Variants in RIMS2 observed in about 807,000 individuals in gnomAD.
The protein encoded by RIMS2 is regulating synaptic membrane exocytosis protein 2.
In RIMS2, 59 loss-of-function variants were observed where a neutral mutation model predicts 174.4. That is an observed-to-expected ratio of 0.34 (90% CI 0.27 to 0.42). RIMS2 has a LOEUF of 0.42. Among genes scored for constraint, RIMS2 ranks in the 10% least tolerant of loss-of-function variants. The pLI, the probability that RIMS2 is intolerant of heterozygous loss-of-function variation, is 1.00. For missense variants in RIMS2, 1,620 were observed against 1,666.3 expected, an observed-to-expected ratio of 0.97 and a Z score of 0.48; for synonymous variants, 606 against 572.5, an observed-to-expected ratio of 1.06 and a Z score of -0.84.
chr8:104,040,491 G>GT (rs2096590381), intron 19 of RIMS2, among the ~76,000 whole-genome samples: 1 of 151,592 alleles, frequency 6.6e-6, no homozygotes, highest in African/African-American at 2.4e-5. Context: ...AGGGAAAAAA[G>GT]TTTTTCCAAA....
intron 4 of RIMS2, among the ~76,000 whole-genome samples, chr8:103,888,438 C>T (rs986318761): frequency 1.1e-4 from 17 of 151,034 alleles, no homozygotes; most frequent in African/African-American, 4.1e-4. Flanking sequence ...ATTTAATAAT[C>T]TTTAGTTTGG....
chr8:104,254,398 T>TAAC (rs1196932748), downstream of RIMS2: 1 of 152,196 alleles, frequency 6.6e-6, no homozygotes, highest in Non-Finnish European at 1.5e-5. Flanking sequence ...TGATGGTATT[T>TAAC]AACACTTTAA....
chr8:103,933,980 C>T (rs1041422378), intron 12 of RIMS2, among the ~76,000 whole-genome samples: 1 of 152,014 alleles, frequency 6.6e-6, no homozygotes, highest in Non-Finnish European at 1.5e-5. Flanking sequence ...TATAGAATTT[C>T]AGTTAAGCCA....
At chr8:103,672,660 A>C (rs1318804681) in intron 1 of RIMS2, among the ~76,000 whole-genome samples, 1 of 152,078 alleles carries the variant, frequency 6.6e-6, no homozygotes, top group Non-Finnish European at 1.5e-5. Flanking sequence ...ATCTAGCCCC[A>C]TGACCCAAAC....
chr8:103,875,146 A>G (rs2099129966), intron 3 of RIMS2, among the ~76,000 whole-genome samples: 1 of 152,016 alleles, frequency 6.6e-6, no homozygotes. Context: ...CTTTAGGGGT[A>G]CAAGTGGTTT....
intron 1 of RIMS2, among the ~76,000 whole-genome samples, chr8:103,532,205 C>T (rs1837504734): frequency 6.6e-6 from 1 of 152,216 alleles, no homozygotes; most frequent in African/African-American, 2.4e-5. Flanking sequence ...AAACCTACTT[C>T]CCACTTATTA....
At chr8:103,668,974 T>A (rs1321227774) in intron 1 of RIMS2, among the ~76,000 whole-genome samples, 1 of 152,170 alleles carries the variant, frequency 6.6e-6, no homozygotes, top group East Asian at 1.9e-4. Context: ...CCAAATTAAG[T>A]GTGTAGCATT....
intron 1 of RIMS2, among the ~76,000 whole-genome samples, chr8:103,650,073 TTTGGGG>T (rs1364087914): frequency 6.6e-6 from 1 of 152,204 alleles, no homozygotes; most frequent in African/African-American, 2.4e-5. Flanking sequence ...ACCTTTGGTC[TTTGGGG>T]TTGGTGACCT....
intron 17 of RIMS2, among the ~76,000 whole-genome samples, chr8:104,002,670 T>G (rs76413488): frequency 6.6e-6 from 1 of 152,154 alleles, no homozygotes; most frequent in Non-Finnish European, 1.5e-5. Context: ...ATATGATATC[T>G]GGAACTTTCT....
intron 3 of RIMS2, among the ~76,000 whole-genome samples, chr8:103,786,313 C>T (rs574273606): frequency 6.6e-6 from 1 of 152,094 alleles, no homozygotes; most frequent in Non-Finnish European, 1.5e-5. Flanking sequence ...CTTCTGCTAG[C>T]TTTTGAATGT....
chr8:103,900,086 T>G (rs1433311189), intron 4 of RIMS2, among the ~76,000 whole-genome samples: 1 of 151,784 alleles, frequency 6.6e-6, no homozygotes, highest in Non-Finnish European at 1.5e-5. Context: ...TATATCTCTG[T>G]TTTGGTACCA....
At chr8:104,112,157 CAAAT>C (rs1407917784) in intron 19 of RIMS2, among the ~76,000 whole-genome samples, 6 of 152,132 alleles carry the variant, frequency 3.9e-5, no homozygotes, top group Admixed American at 2.6e-4. Flanking sequence ...TTATATTTGT[CAAAT>C]AAAATATTCA....
rs1010766624 is a variant in RIMS2, at chr8:104,090,053, T to G, written c.3334+75438T>G. ...AAACATGAACACATTTATATACACA[T>G]GCACATATATATATTATATATATAT... On this transcript the variant is annotated intron_variant, in intron 19 of 23. Transcript: ENST00000504942. Among the ~76,000 whole-genome samples, 9 of 146,140 alleles carry G rather than the reference T, an allele frequency of 6.2e-5. 1 individual carries two copies. The highest frequency in any genetic ancestry group is 3.5e-3 in the Middle Eastern group (1 of 284).
At chr8:103,791,918 A>G (rs1400111564) in intron 3 of RIMS2, among the ~76,000 whole-genome samples, 2 of 152,170 alleles carry the variant, frequency 1.3e-5, no homozygotes, top group Admixed American at 6.5e-5. Flanking sequence ...CAGATTCATA[A>G]AGCAAGTCCT....
chr8:104,232,089 T>C (rs1040274694), intron 19 of RIMS2, among the ~76,000 whole-genome samples: 1 of 152,188 alleles, frequency 6.6e-6, no homozygotes, highest in East Asian at 1.9e-4. Context: ...AAAAATCATA[T>C]AGTTGGGAAT....
chr8:104,236,406 A>G (rs1427016865), intron 19 of RIMS2, among the ~76,000 whole-genome samples: 3 of 152,072 alleles, frequency 2.0e-5, no homozygotes, highest in Non-Finnish European at 2.9e-5. Flanking sequence ...GCCTGAATCA[A>G]TTATTACACT....
At chr8:104,116,949 A>G (rs1342890230) in intron 19 of RIMS2, among the ~76,000 whole-genome samples, 1 of 152,066 alleles carries the variant, frequency 6.6e-6, no homozygotes, top group East Asian at 1.9e-4. Flanking sequence ...ACTGAGTAAC[A>G]TCAATAACTA....
chr8:104,146,311 C>T (rs1477513199), intron 19 of RIMS2, among the ~76,000 whole-genome samples: 1 of 150,874 alleles, frequency 6.6e-6, no homozygotes, highest in Non-Finnish European at 1.5e-5. Context: ...CCCAGGGGTT[C>T]GAGGTTACGA....
chr8:103,802,215 C>T (rs2098614456), intron 3 of RIMS2, among the ~76,000 whole-genome samples: 1 of 152,116 alleles, frequency 6.6e-6, no homozygotes, highest in Non-Finnish European at 1.5e-5. Flanking sequence ...CTTAGTTACC[C>T]AAGTCTCTCA....
Sources: allele counts gnomAD v4.1 joint callset (sites outside exome capture counted in the v4.1 genomes callset), GRCh38; gene constraint gnomAD v4.1.1; transcripts MANE v1.5; gene names NCBI Gene and HGNC (gene_info 2026-07-23, HGNC 2026-07-21).